UCHL3: variants seen among roughly 807,000 people sequenced by gnomAD.
UCHL3 encodes the protein ubiquitin carboxyl-terminal hydrolase isozyme L3.
A neutral mutation model predicts 35.8 loss-of-function variants in UCHL3; 22 were observed. The ratio of observed to expected loss-of-function variants is 0.61; its 90% confidence interval spans 0.44 to 0.88. The LOEUF (loss-of-function observed/expected upper bound fraction) is 0.88. Ranked by LOEUF, UCHL3 falls within the 40% of genes least tolerant of loss-of-function variation. The pLI, the probability that UCHL3 is intolerant of heterozygous loss-of-function variation, is 0.00. For missense variants in UCHL3, 229 were observed against 276.9 expected, an observed-to-expected ratio of 0.83 and a Z score of 1.23; for synonymous variants, 90 against 92.8, an observed-to-expected ratio of 0.97 and a Z score of 0.17.
intron 6 of UCHL3, among the ~76,000 whole-genome samples, chr13:75,574,205 G>C (rs2031952731): frequency 6.6e-6 from 1 of 151,430 alleles, no homozygotes; most frequent in Admixed American, 6.6e-5. Flanking sequence ...GCAACAGAAG[G>C]AGACTCCATC....
intron 7 of UCHL3, among the ~76,000 whole-genome samples, chr13:75,601,244 C>T (rs2032775428): frequency 6.6e-6 from 1 of 152,134 alleles, no homozygotes; most frequent in Non-Finnish European, 1.5e-5. Flanking sequence ...TAGAAGATTA[C>T]ATAAATGTAG....
At chr13:75,562,513 T>A (rs951220482) in intron 3 of UCHL3, among the ~76,000 whole-genome samples, 1 of 152,110 alleles carries the variant, frequency 6.6e-6, no homozygotes, top group Non-Finnish European at 1.5e-5. Context: ...AGGACCCCAG[T>A]TGTAATGAAC....
In UCHL3 at chr13:75,572,378, A is replaced by G. The variant is rs1443511517; in HGVS notation, c.474+2871A>G. ...TAAGATGTACTTTTTTTCACATTTTAAAAACTCTAAAATTAGGATGTATCT... is the reference window on the plus strand; with the variant it reads ...TAAGATGTACTTTTTTTCACATTTTGAAAACTCTAAAATTAGGATGTATCT... On this transcript the variant is annotated intron_variant, in intron 6 of 8. Transcript: ENST00000377595. Among the ~76,000 whole-genome samples, 3 of 152,270 alleles carry G rather than the reference A, an allele frequency of 2.0e-5. No homozygotes were observed. The East Asian group carries it at 5.8e-4, about 29-fold the overall frequency.
At chr13:75,577,286 T>G (rs1406654646) in intron 6 of UCHL3, among the ~76,000 whole-genome samples, 1 of 152,160 alleles carries the variant, frequency 6.6e-6, no homozygotes, top group Non-Finnish European at 1.5e-5. Context: ...AAAAGATGGT[T>G]GTGTCTGTAC....
At position 75,580,346 on chromosome 13, in the gene UCHL3, A is replaced by C. The variant is rs8192752; in HGVS notation, c.474+10839A>C. On this transcript the variant is annotated intron_variant, in intron 6 of 8. Transcript: ENST00000377595. The stretch of plus-strand genomic sequence containing the variant: ...TGAAATTTACTAAAAAATCTACAGA[A>C]ATCCATTTAGAATTAATTTATAATT... Among the ~76,000 whole-genome samples, 86 of 152,346 alleles carry C rather than the reference A, an allele frequency of 5.6e-4. No individual in the cohort carries two copies. In the East Asian group the frequency reaches 0.015, roughly 27 times the overall value.
intron 3 of UCHL3, among the ~76,000 whole-genome samples, chr13:75,564,174 G>A (rs1223935311): frequency 7.4e-5 from 11 of 148,772 alleles, no homozygotes; most frequent in Non-Finnish European, 1.3e-4. Context: ...TTTTTGAGAT[G>A]GAGTCTCGCT....
At chr13:75,601,706 G>A (rs2032785015) in intron 7 of UCHL3, among the ~76,000 whole-genome samples, 2 of 152,122 alleles carry the variant, frequency 1.3e-5, no homozygotes, top group African/African-American at 4.8e-5. Context: ...GCTTCATTGT[G>A]GTATTCTGGA....
chr13:75,569,595 G>A, intron 6 of UCHL3, 88 bp downstream of exon 6: 4 of 1,245,624 alleles, frequency 3.2e-6, no homozygotes, highest in Non-Finnish European at 4.4e-6. Flanking sequence ...ATTATTGTAG[G>A]ACATAAAGTT....
rs558627617 is a variant in UCHL3, at chr13:75,554,764, A to T, written c.54+4777A>T. On this transcript the variant is annotated intron_variant, in intron 2 of 8. Coordinates refer to ENST00000377595, the MANE Select transcript of UCHL3 (RefSeq NM_006002.5). The stretch of plus-strand genomic sequence containing the variant: ...ATACTTGAAACTTTTTTGTTTTTTT[A>T]AACTTTTAGCTTCAGGGGTACATGT... Among the ~76,000 whole-genome samples, 455 of 152,178 alleles carry T rather than the reference A, an allele frequency of 3.0e-3. 5 individuals are homozygous for T. The highest frequency in any genetic ancestry group is 5.1e-3 in the Non-Finnish European group (346 of 68,002).
intron 6 of UCHL3, among the ~76,000 whole-genome samples, chr13:75,593,527 T>G (rs1339602981): frequency 6.6e-6 from 1 of 152,200 alleles, no homozygotes; most frequent in Non-Finnish European, 1.5e-5. Flanking sequence ...TGGAATGGAC[T>G]GCCTCAAAAC....
chr13:75,582,679 GT>G (rs1156836638), intron 6 of UCHL3, among the ~76,000 whole-genome samples: 1 of 152,196 alleles, frequency 6.6e-6, no homozygotes, highest in Non-Finnish European at 1.5e-5. Context: ...GGAAGACAAT[GT>G]GAAAAATTAG....
chr13:75,585,951 G>A (rs1434594338), intron 6 of UCHL3, among the ~76,000 whole-genome samples: 2 of 151,870 alleles, frequency 1.3e-5, no homozygotes, highest in African/African-American at 4.8e-5. Flanking sequence ...AAGTAACAGA[G>A]CAGATGGAAA....
chr13:75,557,304 G>C (rs527332329), intron 2 of UCHL3, among the ~76,000 whole-genome samples: 1 of 152,076 alleles, frequency 6.6e-6, no homozygotes, highest in South Asian at 2.1e-4. Flanking sequence ...ACATACAAGG[G>C]TCTCAAAACA....
intron 6 of UCHL3, among the ~76,000 whole-genome samples, chr13:75,580,315 T>A (rs965905858): frequency 6.6e-6 from 1 of 152,218 alleles, no homozygotes; most frequent in Non-Finnish European, 1.5e-5. Context: ...ATCCAATGTA[T>A]TACACTGAAA....
intron 6 of UCHL3, among the ~76,000 whole-genome samples, chr13:75,592,417 T>TATATATATATATGTATATAC (rs1566227778): frequency 2.6e-4 from 9 of 33,988 alleles, no homozygotes; most frequent in African/African-American, 1.4e-3. Context: ...TTTTCCTTCA[T>TATATATATATATGTATATAC]ATATATATAT....
At chr13:75,604,042 G>A (rs920395123) in intron 7 of UCHL3, among the ~76,000 whole-genome samples, 3 of 151,946 alleles carry the variant, frequency 2.0e-5, no homozygotes, top group Non-Finnish European at 2.9e-5. Flanking sequence ...TGCATATTCA[G>A]AAATTTTTAT....
At chr13:75,587,552 T>C (rs903693946) in intron 6 of UCHL3, among the ~76,000 whole-genome samples, 1 of 152,116 alleles carries the variant, frequency 6.6e-6, no homozygotes, top group Non-Finnish European at 1.5e-5. Context: ...ATGTAACTTA[T>C]CTTCAAATGA....
chr13:75,590,086 G>A, intron 6 of UCHL3: 1 of 1,304,242 alleles, frequency 7.7e-7, no homozygotes, highest in Non-Finnish European at 1.0e-6. Context: ...CTTCGTCGCT[G>A]GCGACCCTTC....
intron 3 of UCHL3, among the ~76,000 whole-genome samples, 181 bp from the exon 4 acceptor site, chr13:75,566,508 CTTCACT>C (rs1458022285): frequency 6.6e-6 from 1 of 152,144 alleles, no homozygotes; most frequent in African/African-American, 2.4e-5. Context: ...ATACCTTCAC[CTTCACT>C]GGCTACTGCT....
Sources: allele counts gnomAD v4.1 joint callset (sites outside exome capture counted in the v4.1 genomes callset), GRCh38; gene constraint gnomAD v4.1.1; transcripts MANE v1.5; gene names NCBI Gene and HGNC (gene_info 2026-07-23, HGNC 2026-07-21).